PLCG2: variants seen among roughly 807,000 people sequenced by gnomAD.
PLCG2 encodes 1-phosphatidylinositol 4,5-bisphosphate phosphodiesterase gamma-2.
PLCG2 carries 69 observed loss-of-function variants against 175.6 expected under a neutral mutation model. The ratio of observed to expected loss-of-function variants is 0.39; its 90% CI spans 0.32 to 0.48. The LOEUF (loss-of-function observed/expected upper bound fraction) is 0.48. Among genes scored for constraint, PLCG2 ranks in the 20% least tolerant of loss-of-function variants. The probability of loss-of-function intolerance (pLI) is 0.91; values close to 1 mark genes in which losing one functional copy is unlikely to be tolerated. For missense variants in PLCG2, 1,798 were observed against 1,650.9 expected, an observed-to-expected ratio of 1.09 and a Z score of -1.54; for synonymous variants, 827 against 624.0, an observed-to-expected ratio of 1.33 and a Z score of -4.85.
intron 7 of PLCG2, among the ~76,000 whole-genome samples, chr16:81,875,542 A>G (rs1907739363): frequency 6.6e-6 from 1 of 152,208 alleles, no homozygotes. Context: ...ACCCCCATGT[A>G]TCATCAGCTG....
intron 1 of PLCG2, among the ~76,000 whole-genome samples, chr16:81,752,462 G>A (rs943803743): frequency 9.9e-5 from 15 of 152,150 alleles, no homozygotes; most frequent in Non-Finnish European, 1.8e-4. Context: ...GCGGCTGGCC[G>A]TGGCAGCACT....
intron 2 of PLCG2, among the ~76,000 whole-genome samples, chr16:81,790,770 C>T (rs1452401753): frequency 6.6e-6 from 1 of 152,086 alleles, no homozygotes; most frequent in Non-Finnish European, 1.5e-5. Context: ...ATTTTTGCCT[C>T]TCCCTCCCTA....
At chr16:81,798,728 G>A (rs1043036866) in intron 2 of PLCG2, 1 of 152,340 alleles carries the variant, frequency 6.6e-6, no homozygotes, top group African/African-American at 2.4e-5. Context: ...TTTGTAGAAT[G>A]GAAACTAGCA....
At chr16:81,793,640 T>C (rs1188063603) in intron 2 of PLCG2, among the ~76,000 whole-genome samples, 2 of 152,232 alleles carry the variant, frequency 1.3e-5, no homozygotes, top group African/African-American at 4.8e-5. Context: ...GCTGTCTGTT[T>C]CCTTGGTATT....
chr16:81,769,152 C>T (rs1302001060), intron 2 of PLCG2, among the ~76,000 whole-genome samples: 1 of 152,194 alleles, frequency 6.6e-6, no homozygotes, highest in Non-Finnish European at 1.5e-5. Flanking sequence ...GTGAGTTTCT[C>T]TGCTCCCCCA....
intron 2 of PLCG2, among the ~76,000 whole-genome samples, chr16:81,790,880 G>A (rs1321714351): frequency 6.6e-6 from 1 of 152,124 alleles, no homozygotes; most frequent in East Asian, 1.9e-4. Flanking sequence ...GGCCAGAGAG[G>A]CTGTTAAATG....
At chr16:81,762,912 G>T (rs1220563101) in intron 2 of PLCG2, among the ~76,000 whole-genome samples, 1 of 152,042 alleles carries the variant, frequency 6.6e-6, no homozygotes, top group Admixed American at 6.6e-5. Flanking sequence ...TTTTTAATTA[G>T]CGGGAATGGT....
chr16:81,847,953 A>C (rs1202125987), intron 2 of PLCG2, among the ~76,000 whole-genome samples: 5 of 152,236 alleles, frequency 3.3e-5, no homozygotes, highest in Non-Finnish European at 7.3e-5. Flanking sequence ...ATTAAAAGTC[A>C]CAATATTACA....
intron 2 of PLCG2, among the ~76,000 whole-genome samples, chr16:81,847,950 G>A (rs772011959): frequency 7.2e-5 from 11 of 152,186 alleles, no homozygotes; most frequent in Admixed American, 1.3e-4. Context: ...CTTATTAAAA[G>A]TCACAATATT....
intron 2 of PLCG2, among the ~76,000 whole-genome samples, chr16:81,840,475 C>G (rs978872025): frequency 6.6e-6 from 1 of 152,106 alleles, no homozygotes. Context: ...ATACAACTCA[C>G]CGTAATATAG....
rs114780818 is a variant in PLCG2, at chr16:81,922,397, C to T, written c.2308-1088C>T. Among the ~76,000 whole-genome samples, 1,190 of 152,290 alleles carry T rather than the reference C, an allele frequency of 7.8e-3. 9 individuals carry two copies. The highest frequency in any genetic ancestry group is 0.027 in the African/African-American group (1,131 of 41,534). On this transcript the variant is annotated intron_variant, in intron 21 of 32. Coordinates refer to ENST00000564138, the MANE Select transcript of PLCG2 (RefSeq NM_002661.5). ...TATAACTACTTACCTGTTATGGTTGCTTAAGGATTAAAGGAGATACCTTAA... is the reference window on the plus strand; with the variant it reads ...TATAACTACTTACCTGTTATGGTTGTTTAAGGATTAAAGGAGATACCTTAA...
intron 13 of PLCG2, chr16:81,898,729 ATGTC>A (rs1909006216): frequency 8.5e-5 from 13 of 152,122 alleles, no homozygotes; most frequent in Admixed American, 7.9e-4. Context: ...AAATTTGAGT[ATGTC>A]TAATGATCAG....
intron 2 of PLCG2, among the ~76,000 whole-genome samples, chr16:81,846,382 C>A (rs530047864): frequency 6.6e-6 from 1 of 152,318 alleles, no homozygotes; most frequent in South Asian, 2.1e-4. Flanking sequence ...TGCTCGCCAT[C>A]CCACTCCTGC....
At chr16:81,934,580 C>T in intron 26 of PLCG2, 49 bp downstream of exon 26, 1 of 1,109,802 alleles carries the variant, frequency 9.0e-7, no homozygotes, top group Non-Finnish European at 1.4e-6. Flanking sequence ...GAAAACTTAA[C>T]TTCCTTTAGA....
At chr16:81,741,184 G>T (rs1249856461) in intron 1 of PLCG2, among the ~76,000 whole-genome samples, 2 of 152,030 alleles carry the variant, frequency 1.3e-5, no homozygotes, top group Non-Finnish European at 2.9e-5. Context: ...TGTGATTAGA[G>T]CTCGCTTATA....
rs571327196 is a variant in PLCG2, at chr16:81,856,635, A to C, written c.338-1628A>C. On this transcript the variant is annotated intron_variant, in intron 3 of 32. Coordinates refer to ENST00000564138, the MANE Select transcript of PLCG2 (RefSeq NM_002661.5). ...ATTAGTTAGCATAGGGTTAAAAGCTAACACTCTTTAATAAAACAAAAAGCT... is the reference window on the plus strand; with the variant it reads ...ATTAGTTAGCATAGGGTTAAAAGCTCACACTCTTTAATAAAACAAAAAGCT... Among the ~76,000 whole-genome samples the C allele has an allele frequency of 3.9e-5, 6 of 152,312 alleles. No individual in the cohort carries two copies. The East Asian group carries it at 1.2e-3, about 29-fold the overall frequency.
intron 1 of PLCG2, among the ~76,000 whole-genome samples, chr16:81,781,034 C>CAAAG (rs1555505847): frequency 6.6e-6 from 1 of 151,014 alleles, no homozygotes; most frequent in Non-Finnish European, 1.5e-5. Flanking sequence ...TCAAGACAAA[C>CAAAG]AAACAAACAA....
chr16:81,789,675 A>G (rs890290626), intron 2 of PLCG2, among the ~76,000 whole-genome samples: 17 of 152,012 alleles, frequency 1.1e-4, no homozygotes, highest in Admixed American at 6.6e-5. Context: ...ATATTTCACC[A>G]CTTTGGCTGG....
At chr16:81,757,707 G>A (rs901857450) in intron 2 of PLCG2, among the ~76,000 whole-genome samples, 11 of 152,038 alleles carry the variant, frequency 7.2e-5, no homozygotes, top group African/African-American at 2.2e-4. Context: ...AGTGTGATTC[G>A]ATGGCTTATA....
Sources: gnomAD v4.1 joint callset for allele counts (sites outside exome capture counted in the v4.1 genomes callset) on GRCh38, gnomAD v4.1.1 for gene constraint, MANE v1.5 for transcripts, NCBI Gene and HGNC (gene_info 2026-07-23, HGNC 2026-07-21) for gene names.